The following OPALIN variants were observed in gnomAD, a reference collection of about 807,000 sequenced individuals.
The protein encoded by OPALIN is oligodendrocytic myelin paranodal and inner loop protein.
OPALIN carries 15 observed loss-of-function variants against 17.8 expected under a neutral mutation model. The observed-to-expected ratio is 0.84, with a 90% CI of 0.56 to 1.29. OPALIN has a LOEUF of 1.29. Among genes scored for constraint, OPALIN ranks in the 50% most tolerant of loss-of-function variants. The pLI is 0.00. For synonymous variants in OPALIN, 62 were observed against 63.8 expected (o/e 0.97, Z 0.14); for missense variants, 170 against 176.0 (o/e 0.97, Z 0.19).
At chr10:96,352,402 A>G (rs1327137601) in intron 2 of OPALIN, among the ~76,000 whole-genome samples, 1 of 152,126 alleles carries the variant, frequency 6.6e-6, no homozygotes, top group Non-Finnish European at 1.5e-5. Context: ...TTCACAGATA[A>G]TCATAACTCT....
chr10:96,354,445 T>C (rs1845719595), intron 2 of OPALIN, among the ~76,000 whole-genome samples: 1 of 152,234 alleles, frequency 6.6e-6, no homozygotes, highest in African/African-American at 2.4e-5. Flanking sequence ...TTCCTAATGA[T>C]AGTTAATCAA....
rs993910916 is a variant in OPALIN at position 96,343,264 on chromosome 10, C to A, written c.*2677G>T. The A allele has an allele frequency of 6.6e-6, 1 of 152,228 alleles. No individual in the cohort carries two copies. Among genetic ancestry groups the A allele is most frequent in the Non-Finnish European group, 1.5e-5 (1 of 68,040 alleles). 9.4% of individuals were successfully genotyped at this position (152,228 alleles called of 1,614,324 possible). A position where few individuals can be genotyped will look rare whatever the true frequency, so the allele number is the denominator to read the frequency against. ...CATTTTACTTTTCACTTCATTCCAA[C>A]ATAAGTTCTTGTGTATCATAGCAGA... On this transcript the variant is annotated 3_prime_UTR_variant, in exon 6 of 6. Coordinates refer to ENST00000371172, the MANE Select transcript of OPALIN (RefSeq NM_033207.5).
intron 1 of OPALIN, among the ~76,000 whole-genome samples, chr10:96,357,582 C>T (rs913742335): frequency 1.3e-5 from 2 of 152,142 alleles, no homozygotes; most frequent in African/African-American, 4.8e-5. Context: ...ATCTATTCTC[C>T]AAGGCTCAGT....
chr10:96,357,477 C>T (rs1845866622), intron 1 of OPALIN, among the ~76,000 whole-genome samples: 1 of 152,150 alleles, frequency 6.6e-6, no homozygotes, highest in Non-Finnish European at 1.5e-5. Context: ...CTTGGAGCCA[C>T]CTGATCTAAA....
intron 3 of OPALIN, 70 bp from the exon 4 acceptor site, chr10:96,349,896 A>T (rs1845505977): frequency 6.8e-6 from 10 of 1,469,666 alleles, no homozygotes; most frequent in Non-Finnish European, 9.1e-6. Context: ...AAAATTCAAT[A>T]GAATAAAAAT....
At chr10:96,346,427 T>C (rs1009764944) in intron 5 of OPALIN, among the ~76,000 whole-genome samples, 1 of 152,238 alleles carries the variant, frequency 6.6e-6, no homozygotes, top group African/African-American at 2.4e-5. Context: ...TGTTAATCTA[T>C]TTGTGTATTT....
intron 3 of OPALIN, among the ~76,000 whole-genome samples, chr10:96,350,759 G>C (rs1845548227): frequency 6.6e-6 from 1 of 152,126 alleles, no homozygotes; most frequent in African/African-American, 2.4e-5. Context: ...TTCCCATTTT[G>C]CTTTGATCGG....
At chr10:96,354,046 A>T (rs11597348) in intron 2 of OPALIN, among the ~76,000 whole-genome samples, 12,217 of 152,280 alleles carry the variant, frequency 0.08, 665 homozygotes, top group South Asian at 0.15. Flanking sequence ...GCACTGGCTT[A>T]GGAGTCCTCT....
chr10:96,352,496 A>G (rs1340088654), intron 2 of OPALIN, among the ~76,000 whole-genome samples: 1 of 152,028 alleles, frequency 6.6e-6, no homozygotes, highest in Non-Finnish European at 1.5e-5. Context: ...ATGACCAGGC[A>G]CTGAAACTTG....
intron 5 of OPALIN, among the ~76,000 whole-genome samples, chr10:96,347,478 AT>A (rs1381418014): frequency 1.9e-4 from 27 of 141,090 alleles, no homozygotes; most frequent in South Asian, 4.5e-4. Context: ...ACACTTTCTA[AT>A]TTTTTTTTTT....
At chr10:96,348,556 A>G (rs1429960380) in intron 4 of OPALIN, among the ~76,000 whole-genome samples, 1 of 152,250 alleles carries the variant, frequency 6.6e-6, no homozygotes, top group Non-Finnish European at 1.5e-5. Context: ...TGAGTTATCA[A>G]AAATAATCCA....
At chr10:96,349,968 C>T (rs1845509972) in intron 3 of OPALIN, 142 bp from the exon 4 acceptor site, 1 of 896,744 alleles carries the variant, frequency 1.1e-6, no homozygotes, top group Non-Finnish European at 1.6e-6. Flanking sequence ...TAATGAAATA[C>T]TGTGCAAAAA....
At chr10:96,357,494 C>A (rs1845867350) in intron 1 of OPALIN, among the ~76,000 whole-genome samples, 1 of 152,130 alleles carries the variant, frequency 6.6e-6, no homozygotes, top group Non-Finnish European at 1.5e-5. Flanking sequence ...TAAATTCGAG[C>A]CCACACTTAG....
At chr10:96,357,863 A>G (rs2134038698) in intron 1 of OPALIN, among the ~76,000 whole-genome samples, 1 of 152,252 alleles carries the variant, frequency 6.6e-6, no homozygotes, top group East Asian at 1.9e-4. Flanking sequence ...TAGTCTGAGC[A>G]CTATGCAGTA....
chr10:96,345,987 C>T lies in OPALIN; in HGVS notation c.380G>A (p.Arg127Lys), dbSNP rs745784536. 17 of 1,614,190 alleles carry T rather than the reference C, an allele frequency of 1.1e-5. No homozygotes were observed. The South Asian group carries it at 1.9e-4, about 18-fold the overall frequency. ...DRYRPTIEMERRRGLWWLVPR... is the reference protein window; with the variant it reads ...DRYRPTIEMEKRRGLWWLVPR... ...CACAAGCCACCACAATCCCCTCCTT[C>T]TTTCCATTTCTATAGTAGGACGGTA... The change falls in exon 6 of 6, where the codon AGA (arginine) becomes AAA (lysine). Residue 127 changes from arginine to lysine, a missense_variant. Physicochemically the swap from Arg to Lys is conservative, Grantham distance 26. Transcript: ENST00000371172.
At chr10:96,353,879 G>A (rs1237274370) in intron 2 of OPALIN, among the ~76,000 whole-genome samples, 1 of 152,198 alleles carries the variant, frequency 6.6e-6, no homozygotes, top group African/African-American at 2.4e-5. Flanking sequence ...GGGAGGTTCA[G>A]AAGTGCCCCC....
chr10:96,352,796 A>T (rs1845642155), intron 2 of OPALIN, among the ~76,000 whole-genome samples: 1 of 152,044 alleles, frequency 6.6e-6, no homozygotes, highest in Non-Finnish European at 1.5e-5. Flanking sequence ...GGAACGGGGA[A>T]CTTGTGTGAA....
chr10:96,358,300 T>C (rs1845893340), intron 1 of OPALIN, among the ~76,000 whole-genome samples: 1 of 149,584 alleles, frequency 6.7e-6, no homozygotes, highest in South Asian at 2.1e-4. Flanking sequence ...CAGGTCCAAA[T>C]AGGACAAACA....
chr10:96,348,370 A>G, intron 4 of OPALIN, 25 bp from the exon 5 acceptor site: 1 of 1,159,502 alleles, frequency 8.6e-7, no homozygotes, highest in Non-Finnish European at 1.3e-6. Context: ...ATATAATAAT[A>G]AAAGAAAGAA....
Sources: gnomAD v4.1 joint callset for allele counts (sites outside exome capture counted in the v4.1 genomes callset) on GRCh38, gnomAD v4.1.1 for gene constraint, MANE v1.5 for transcripts, NCBI Gene and HGNC (gene_info 2026-07-23, HGNC 2026-07-21) for gene names.